The following MLLT3 variants were observed in gnomAD, a reference collection of about 807,000 sequenced individuals.
The protein encoded by MLLT3 is MLLT3 super elongation complex subunit, also known as protein AF-9.
In MLLT3, 4 loss-of-function variants were observed where a neutral mutation model predicts 53.2. The observed-to-expected ratio is 0.08, with a 90% CI of 0.04 to 0.17. The LOEUF (loss-of-function observed/expected upper bound fraction) is 0.17, where lower values mean the gene tolerates loss of function less well. MLLT3 is among the 10% of genes least tolerant of loss of function. The pLI is 1.00. For missense variants in MLLT3, 569 were observed against 684.0 expected, an observed-to-expected ratio of 0.83 and a Z score of 1.87; for synonymous variants, 283 against 230.6, an observed-to-expected ratio of 1.23 and a Z score of -2.06.
At chr9:20,399,616 T>C (rs1822405088) in intron 5 of MLLT3, among the ~76,000 whole-genome samples, 1 of 152,074 alleles carries the variant, frequency 6.6e-6, no homozygotes, top group Non-Finnish European at 1.5e-5. Context: ...CATAAAGGAC[T>C]CAGGGTAATA....
intron 4 of MLLT3, among the ~76,000 whole-genome samples, chr9:20,423,431 C>T (rs76356383): frequency 0.018 from 2,805 of 152,036 alleles, 82 homozygotes; most frequent in African/African-American, 0.063. Flanking sequence ...TATTTTTTGG[C>T]AGGTGATTAA....
intron 2 of MLLT3, among the ~76,000 whole-genome samples, chr9:20,504,698 G>T (rs1376629905): frequency 2.0e-5 from 3 of 151,952 alleles, no homozygotes; most frequent in Non-Finnish European, 4.4e-5. Flanking sequence ...TCATAACAAT[G>T]TATTTTATTT....
Position 20,448,137 on chromosome 9 carries a change from G to A in MLLT3, c.406C>T (p.Leu136=), listed in dbSNP as rs754061497. Residue 136 remains leucine (L), a synonymous_variant, in exon 4 of 11, where the codon CTG becomes TTG. Transcript: ENST00000380338. This position sits in a 1 kb window ranked among gnomAD's most constrained non-coding sequence, Gnocchi z 4.0. ...NPTEDFRRKL[L]KAGGDPNRSI... Reference sequence around the variant, plus strand: ...GTGCCACTTACCCCTCCTGCCTTCAGCAACTTTCTCCTAAAGTCCTCTGTG... The same window carrying A: ...GTGCCACTTACCCCTCCTGCCTTCAACAACTTTCTCCTAAAGTCCTCTGTG... 3 of 1,612,738 alleles carry A rather than the reference G, an allele frequency of 1.9e-6. No individual in the cohort carries two copies. In the East Asian group the frequency reaches 6.7e-5, roughly 36 times the overall value.
Position 20,580,899 on chromosome 9 carries a change from C to G in MLLT3, c.193+39755G>C, listed in dbSNP as rs183185781. On this transcript the variant is annotated intron_variant, in intron 2 of 10. Transcript: ENST00000380338. ...TACACAGGGCTAACCTGCCTAACCA[C>G]CTGAACAGAAAAGCCTCTGTCAACA... is the stretch of plus-strand genomic sequence containing the variant. Among the ~76,000 whole-genome samples, 13 of 152,320 alleles carry G rather than the reference C, an allele frequency of 8.5e-5. No homozygotes were observed. In the East Asian group the frequency reaches 2.1e-3, roughly 25 times the overall value.
intron 5 of MLLT3, among the ~76,000 whole-genome samples, chr9:20,394,667 G>A (rs955321977): frequency 5.9e-5 from 9 of 151,974 alleles, no homozygotes; most frequent in African/African-American, 2.2e-4. Flanking sequence ...CTTTTCTGGG[G>A]GTTACCTTTA....
intron 5 of MLLT3, chr9:20,380,395 G>C (rs571909781): frequency 6.6e-6 from 1 of 152,024 alleles, no homozygotes; most frequent in African/African-American, 2.4e-5. Flanking sequence ...GATCGTTTCT[G>C]AATTGATCCT....
intron 2 of MLLT3, among the ~76,000 whole-genome samples, chr9:20,553,268 G>C (rs1203385717): frequency 2.0e-5 from 3 of 152,176 alleles, no homozygotes; most frequent in Non-Finnish European, 4.4e-5. Context: ...AGGAAGAAGA[G>C]AGGGCAGACA....
intron 2 of MLLT3, among the ~76,000 whole-genome samples, chr9:20,477,603 C>A (rs773138073): frequency 6.6e-6 from 1 of 151,794 alleles, no homozygotes; most frequent in Non-Finnish European, 1.5e-5. Flanking sequence ...AATAAATAGC[C>A]CTCCTCTCCT....
chr9:20,457,522 T>G (rs548754279), intron 2 of MLLT3, among the ~76,000 whole-genome samples: 4 of 152,096 alleles, frequency 2.6e-5, no homozygotes, highest in South Asian at 4.2e-4. Flanking sequence ...GTGTAGGGAT[T>G]ACAGGCATGA....
At chr9:20,516,926 T>C (rs192318529) in intron 2 of MLLT3, among the ~76,000 whole-genome samples, 3 of 152,238 alleles carry the variant, frequency 2.0e-5, no homozygotes, top group African/African-American at 4.8e-5. Flanking sequence ...AGTAATATGC[T>C]AGAAATTTTC....
chr9:20,481,642 T>G (rs1034419089), intron 2 of MLLT3, among the ~76,000 whole-genome samples: 4 of 152,130 alleles, frequency 2.6e-5, no homozygotes, highest in African/African-American at 9.7e-5. Context: ...CATAGTACCC[T>G]GTACATCCCC....
At chr9:20,487,492 G>A (rs992032820) in intron 2 of MLLT3, among the ~76,000 whole-genome samples, 1 of 151,970 alleles carries the variant, frequency 6.6e-6, no homozygotes, top group Non-Finnish European at 1.5e-5. Flanking sequence ...ACTTTCAACC[G>A]GAGCCATGCT....
chr9:20,416,261 T>A (rs543681371), intron 4 of MLLT3, among the ~76,000 whole-genome samples: 2 of 152,052 alleles, frequency 1.3e-5, no homozygotes, highest in South Asian at 2.1e-4. Flanking sequence ...AAATTTGCAA[T>A]CAGTATTCTA....
chr9:20,618,154 A>G (rs986922208), intron 2 of MLLT3, among the ~76,000 whole-genome samples: 2 of 152,210 alleles, frequency 1.3e-5, no homozygotes, highest in Admixed American at 6.5e-5. Flanking sequence ...TAAAGATCTT[A>G]TAACTCAGAT....
rs182242575 is a variant in MLLT3 at position 20,606,206 on chromosome 9, T to C, written c.193+14448A>G. ...AGCCCACTGCCTGTAAAATCTCCCA[T>C]GGAGATTCAAGACCACCCATTGAAA... On this transcript the variant is annotated intron_variant, in intron 2 of 10. Transcript: ENST00000380338. Among the ~76,000 whole-genome samples the C allele has an allele frequency of 2.6e-5, 4 of 152,108 alleles. No individual in the cohort carries two copies. In the East Asian group the frequency reaches 5.8e-4, roughly 22 times the overall value.
chr9:20,397,790 T>C (rs987828366), intron 5 of MLLT3, among the ~76,000 whole-genome samples: 5 of 152,154 alleles, frequency 3.3e-5, no homozygotes, highest in African/African-American at 1.2e-4. Context: ...CATCCCACAG[T>C]GATAAATTAT....
chr9:20,515,182 G>A (rs1247661348), intron 2 of MLLT3, among the ~76,000 whole-genome samples: 5 of 151,920 alleles, frequency 3.3e-5, no homozygotes, highest in South Asian at 2.1e-4. Context: ...TCCTGACCTC[G>A]TGAGCCACCT....
At chr9:20,507,742 G>GAA (rs72452530) in intron 2 of MLLT3, among the ~76,000 whole-genome samples, 16,290 of 84,168 alleles carry the variant, frequency 0.19, 1,230 homozygotes, top group South Asian at 0.28. Context: ...TCCCAAAATG[G>GAA]AAAAAAAAAA....
chr9:20,542,856 A>T (rs1166253854), intron 2 of MLLT3, among the ~76,000 whole-genome samples: 1 of 152,222 alleles, frequency 6.6e-6, no homozygotes, highest in Non-Finnish European at 1.5e-5. Context: ...TCTGTTGTTT[A>T]GTGTAGCCAC....
Sources: gnomAD v4.1 joint callset for allele counts (sites outside exome capture counted in the v4.1 genomes callset) on GRCh38, gnomAD v4.1.1 for gene constraint, Gnocchi (gnomAD v3.1) non-coding constraint, MANE v1.5 for transcripts, NCBI Gene and HGNC (gene_info 2026-07-23, HGNC 2026-07-21) for gene names.